TATDN1: variants seen among roughly 807,000 people sequenced by gnomAD.
The protein encoded by TATDN1 is deoxyribonuclease TATDN1.
TATDN1 carries 40 observed loss-of-function variants against 46.4 expected under a neutral mutation model. The ratio of observed to expected loss-of-function variants is 0.86; its 90% CI spans 0.67 to 1.12. The LOEUF is 1.12. Ranked by LOEUF, TATDN1 falls within the 50% of genes most tolerant of loss-of-function variation. The probability of loss-of-function intolerance (pLI) is 0.00; values close to 1 mark genes in which losing one functional copy is unlikely to be tolerated. For missense variants in TATDN1, 326 were observed against 348.4 expected, an observed-to-expected ratio of 0.94 and a Z score of 0.51; for synonymous variants, 95 against 105.6, an observed-to-expected ratio of 0.90 and a Z score of 0.62.
intron 9 of TATDN1, among the ~76,000 whole-genome samples, chr8:124,503,606 T>A (rs1355627078): frequency 6.6e-6 from 1 of 152,154 alleles, no homozygotes; most frequent in Admixed American, 6.5e-5. Flanking sequence ...TATGAGACAA[T>A]GAAGAAGGAC....
chr8:124,516,983 C>T (rs1009696895), intron 4 of TATDN1, among the ~76,000 whole-genome samples: 5 of 152,128 alleles, frequency 3.3e-5, no homozygotes, highest in African/African-American at 9.7e-5. Flanking sequence ...GCTGTAAGAA[C>T]AGAAGTTACA....
At position 124,513,953 on chromosome 8, in the gene TATDN1, G is replaced by T. The variant is rs78435893; in HGVS notation, c.389+1793C>A. 4.4e-3 allele frequency among the ~76,000 whole-genome samples: 673 copies of T among 152,274 alleles called. 6 individuals carry two copies. Among genetic ancestry groups the T allele is most frequent in the African/African-American group, 0.015 (633 of 41,548 alleles). On this transcript the variant is annotated intron_variant, in intron 6 of 11. Coordinates refer to ENST00000276692, the MANE Select transcript of TATDN1 (RefSeq NM_032026.4). Reference sequence around the variant, plus strand: ...AAGTGAGCTGGCCTACATAATATTCGACAGAGGTATAGGGCTTCAGTAACC... The same window carrying T: ...AAGTGAGCTGGCCTACATAATATTCTACAGAGGTATAGGGCTTCAGTAACC...
At chr8:124,495,604 C>A in intron 9 of TATDN1, 62 bp from the exon 10 acceptor site, 1 of 1,299,930 alleles carries the variant, frequency 7.7e-7, no homozygotes, top group South Asian at 1.3e-5. Context: ...TTTTTCGTAT[C>A]ACAACTTGTC....
chr8:124,522,813 C>T (rs1820165001), intron 2 of TATDN1, 124 bp downstream of exon 2: 1 of 831,466 alleles, frequency 1.2e-6, no homozygotes, highest in Admixed American at 2.0e-5. Flanking sequence ...CCTCAGACTC[C>T]CAAAGTGCTG....
intron 3 of TATDN1, 110 bp from the exon 4 acceptor site, chr8:124,518,991 ACTGCCACACACCTAC>A (rs1819798602): frequency 1.4e-6 from 1 of 702,604 alleles, no homozygotes; most frequent in African/African-American, 1.8e-5. Context: ...TTCCTCTGTG[ACTGCCACACACCTAC>A]CCTTTAAAAT....
At chr8:124,510,113 T>C (rs932659493) in intron 6 of TATDN1, among the ~76,000 whole-genome samples, 1 of 152,066 alleles carries the variant, frequency 6.6e-6, no homozygotes, top group African/African-American at 2.4e-5. Context: ...TTACCAAATG[T>C]TTGGGTTTTA....
intron 10 of TATDN1, 77 bp from the exon 11 acceptor site, chr8:124,494,036 C>T (rs912836960): frequency 1.3e-5 from 18 of 1,358,538 alleles, no homozygotes; most frequent in Admixed American, 2.7e-5. Flanking sequence ...TAATATATAA[C>T]CTCTAAATGA....
chr8:124,508,691 G>T lies in TATDN1; in HGVS notation c.390-3C>A. On this transcript the variant is annotated splice_polypyrimidine_tract_variant and splice_region_variant and intron_variant, in intron 6 of 11. Coordinates refer to ENST00000276692, the MANE Select transcript of TATDN1 (RefSeq NM_032026.4). Reference sequence around the variant, plus strand: ...GTTCAAACTGTTTTTCAAAATATCTGCATAATGCAAAAAAAAAAAATTCTC... The same window carrying T: ...GTTCAAACTGTTTTTCAAAATATCTTCATAATGCAAAAAAAAAAAATTCTC... 1 of 1,510,206 alleles carries T rather than the reference G, an allele frequency of 6.6e-7. No individual in the cohort carries two copies. Among genetic ancestry groups the T allele is most frequent in the Non-Finnish European group, 8.9e-7 (1 of 1,126,446 alleles). 93.6% of individuals were successfully genotyped at this position (1,510,206 alleles called of 1,614,324 possible).
intron 1 of TATDN1, chr8:124,538,781 C>A (rs1294544955): frequency 1.7e-6 from 1 of 589,262 alleles, no homozygotes; most frequent in Non-Finnish European, 3.0e-6. Context: ...TTGAAAACAG[C>A]ACAAAAATCA....
At chr8:124,530,116 GAAC>G in intron 1 of TATDN1, among the ~76,000 whole-genome samples, 1 of 151,830 alleles carries the variant, frequency 6.6e-6, no homozygotes, top group East Asian at 1.9e-4. Flanking sequence ...AAAACCCAAA[GAAC>G]AACAACAACA....
intron 11 of TATDN1, chr8:124,489,128 T>G (rs960203147): frequency 3.1e-5 from 5 of 162,770 alleles, no homozygotes; most frequent in Non-Finnish European, 5.3e-5. Context: ...ATGTGTGTCC[T>G]AAGTCACAAC....
At chr8:124,533,198 G>A (rs1443108130) in intron 1 of TATDN1, among the ~76,000 whole-genome samples, 1 of 151,646 alleles carries the variant, frequency 6.6e-6, no homozygotes, top group Non-Finnish European at 1.5e-5. Context: ...CTTGCAGTGA[G>A]CCAAGATGGC....
chr8:124,527,876 C>T (rs1820636420), intron 1 of TATDN1, among the ~76,000 whole-genome samples: 1 of 150,792 alleles, frequency 6.6e-6, no homozygotes, highest in South Asian at 2.1e-4. Context: ...CCTCACTAAC[C>T]CGTAAGGTAT....
intron 9 of TATDN1, among the ~76,000 whole-genome samples, chr8:124,497,808 ACTTAT>A (rs1817611033): frequency 6.6e-6 from 1 of 152,186 alleles, no homozygotes. Flanking sequence ...TCAGCCCTTT[ACTTAT>A]TAGAGTACTT....
chr8:124,522,948 T>G lies in TATDN1; in HGVS notation c.77A>C (p.Gln26Pro), dbSNP rs1298647061. ...AAGGAAATATTTACCTTGATGCTTT[T>G]GAACCCCCCTATAAATTCCTCTGAA... is the stretch of plus-strand genomic sequence containing the variant. Reference protein sequence around the residue: ...PMFRGIYRGVQKHQDDLQDVI... With the variant: ...PMFRGIYRGVPKHQDDLQDVI... Residue 26 changes from glutamine (Q) to proline (P), a missense_variant, in exon 2 of 12, where the codon CAA becomes CCA. Gln to Pro is a moderately conservative substitution (Grantham distance 76). Coordinates refer to ENST00000276692, the MANE Select transcript of TATDN1 (RefSeq NM_032026.4). 2 of 1,613,304 alleles carry G rather than the reference T, an allele frequency of 1.2e-6. No homozygotes were observed. Among genetic ancestry groups the G allele is most frequent in the Admixed American group, 1.7e-5 (1 of 60,018 alleles).
At chr8:124,489,651 GAT>G (rs1816773977) in intron 11 of TATDN1, 1 of 152,096 alleles carries the variant, frequency 6.6e-6, no homozygotes, top group African/African-American at 2.4e-5. Context: ...CTGACCTTGT[GAT>G]CCACCCCACC....
intron 11 of TATDN1, 136 bp from the exon 12 acceptor site, chr8:124,488,832 T>C: frequency 1.6e-6 from 1 of 629,410 alleles, no homozygotes; most frequent in East Asian, 3.0e-5. Context: ...ATTAAGTTTT[T>C]CAGCAATATC....
At chr8:124,495,783 G>T (rs1425240759) in intron 9 of TATDN1, among the ~76,000 whole-genome samples, 1 of 152,118 alleles carries the variant, frequency 6.6e-6, no homozygotes. Flanking sequence ...TTCCAATAGC[G>T]TTCTATATCA....
chr8:124,489,946 T>C (rs1254117938), intron 11 of TATDN1: 2 of 152,182 alleles, frequency 1.3e-5, no homozygotes. Flanking sequence ...TGTTTTGTAA[T>C]GTGACACAAA....
Sources: gnomAD v4.1 joint callset for allele counts (sites outside exome capture counted in the v4.1 genomes callset) on GRCh38, gnomAD v4.1.1 for gene constraint, MANE v1.5 for transcripts, NCBI Gene and HGNC (gene_info 2026-07-23, HGNC 2026-07-21) for gene names.